TCTN3: variants seen among roughly 807,000 people sequenced by gnomAD.
TCTN3 encodes tectonic family member 3.
In TCTN3, 57 loss-of-function variants were observed where a neutral mutation model predicts 71.3. The ratio of observed to expected loss-of-function variants is 0.80; its 90% CI spans 0.65 to 1.00. The LOEUF (loss-of-function observed/expected upper bound fraction) is 1.00, where lower values mean the gene tolerates loss of function less well. TCTN3 is among the 50% of genes least tolerant of loss of function. The pLI, the probability that TCTN3 is intolerant of heterozygous loss-of-function variation, is 0.00. For missense variants in TCTN3, 696 were observed against 719.9 expected (o/e 0.97, Z 0.38); for synonymous variants, 258 against 267.8 (o/e 0.96, Z 0.36).
In TCTN3 at chr10:95,680,504, C is replaced by A; in HGVS notation, c.1558G>T (p.Val520Phe). The change falls in exon 13 of 14, where the codon GTT (valine) becomes TTT (phenylalanine). Residue 520 changes from valine (V) to phenylalanine (F), a missense_variant. Val to Phe is a conservative substitution (Grantham distance 50). Transcript: ENST00000371217. ...LSNPQAHVSGVRFLYQCQSIQ... is the reference protein window; with the variant it reads ...LSNPQAHVSGFRFLYQCQSIQ... Reference sequence around the variant, plus strand: ...GACTGGCACTGGTATAGGAATCGAACTCCTGATACATGAGCTTGCGGGTTG... The same window carrying A: ...GACTGGCACTGGTATAGGAATCGAAATCCTGATACATGAGCTTGCGGGTTG... 1.2e-6 allele frequency: 2 copies of A among 1,614,132 alleles called. No homozygotes were observed. Among genetic ancestry groups the A allele is most frequent in the Non-Finnish European group, 1.7e-6 (2 of 1,180,000 alleles).
At chr10:95,685,175 T>G (rs1000037091) in intron 8 of TCTN3, among the ~76,000 whole-genome samples, 3 of 152,210 alleles carry the variant, frequency 2.0e-5, no homozygotes, top group African/African-American at 7.2e-5. Flanking sequence ...GAGAATAAAA[T>G]GTGGTCAGTC....
At chr10:95,679,149 C>G (rs949626651) in intron 13 of TCTN3, among the ~76,000 whole-genome samples, 4 of 152,096 alleles carry the variant, frequency 2.6e-5, no homozygotes, top group Admixed American at 6.6e-5. Context: ...ACAAACTAAC[C>G]TGAAAAGCTA....
intron 13 of TCTN3, among the ~76,000 whole-genome samples, chr10:95,669,923 C>T (rs2097929222): frequency 6.6e-6 from 1 of 151,130 alleles, no homozygotes; most frequent in East Asian, 1.9e-4. Context: ...ATTAGCCGGG[C>T]GAGGTGGCGG....
At chr10:95,681,221 G>A (rs552549555) in intron 12 of TCTN3, among the ~76,000 whole-genome samples, 66 of 151,970 alleles carry the variant, frequency 4.3e-4, no homozygotes, top group Admixed American at 1.4e-3. Flanking sequence ...GATTACAGAT[G>A]CCCACCACTA....
At chr10:95,676,002 A>T (rs1467842152) in intron 13 of TCTN3, among the ~76,000 whole-genome samples, 1 of 152,258 alleles carries the variant, frequency 6.6e-6, no homozygotes, top group African/African-American at 2.4e-5. Context: ...CATAAGATTC[A>T]GAACCACTAA....
intron 13 of TCTN3, among the ~76,000 whole-genome samples, chr10:95,672,627 A>G (rs1396147887): frequency 6.7e-6 from 1 of 149,024 alleles, no homozygotes. Flanking sequence ...GATGTTGAAT[A>G]CCTTTCTATG....
chr10:95,669,115 T>A (rs535316276), intron 13 of TCTN3, among the ~76,000 whole-genome samples: 1 of 152,272 alleles, frequency 6.6e-6, no homozygotes, highest in African/African-American at 2.4e-5. Flanking sequence ...CTGATGCAAA[T>A]ACACTGGCAG....
Position 95,680,553 on chromosome 10 carries a change from C to T in TCTN3, c.1509G>A (p.Leu503=). 3 of 1,614,138 alleles carry T rather than the reference C, an allele frequency of 1.9e-6. No individual in the cohort carries two copies. Among genetic ancestry groups the T allele is most frequent in the South Asian group, 1.1e-5 (1 of 91,084 alleles). ...LIPVSLEIQV[L]WAYVGLLSNP... ...TGGACAGGAGACCTACATATGCCCA[C>T]AATACCTGGATCTCCAGGGAAACTG... Residue 503 remains leucine, a synonymous_variant, in exon 13 of 14, where the codon TTG becomes TTA. Coordinates refer to ENST00000371217, the MANE Select transcript of TCTN3 (RefSeq NM_015631.6).
intron 6 of TCTN3, 85 bp from the exon 7 acceptor site, chr10:95,686,615 C>T: frequency 7.1e-7 from 1 of 1,408,012 alleles, no homozygotes; most frequent in South Asian, 1.2e-5. Context: ...TACCAATAGG[C>T]TTTGGTTTGG....
intron 13 of TCTN3, among the ~76,000 whole-genome samples, chr10:95,670,741 C>A (rs1167599960): frequency 1.3e-5 from 2 of 152,118 alleles, no homozygotes; most frequent in Non-Finnish European, 2.9e-5. Flanking sequence ...CGGCTCACTG[C>A]ACCCTCGACC....
intron 12 of TCTN3, among the ~76,000 whole-genome samples, chr10:95,681,360 G>A (rs2097942844): frequency 6.6e-6 from 1 of 152,218 alleles, no homozygotes; most frequent in East Asian, 1.9e-4. Flanking sequence ...ACAGGTGTAA[G>A]CCATGGCACC....
intron 13 of TCTN3, among the ~76,000 whole-genome samples, chr10:95,666,565 T>G (rs1016655366): frequency 2.6e-5 from 4 of 152,230 alleles, no homozygotes; most frequent in African/African-American, 9.6e-5. Flanking sequence ...TTGGAGCAAA[T>G]CTTTATAGCT....
chr10:95,677,474 GTTTTTTTTGTT>G lies in TCTN3; in HGVS notation c.1590+2987_1590+2997del, dbSNP rs1225316693. ...ATACAAGAAGATAGTGAAGTCTACAGTTTTTTTTGTTTTTTTTTTTTTTTTTTGCTGTATTT... is the reference window on the plus strand; with the variant it reads ...ATACAAGAAGATAGTGAAGTCTACAGTTTTTTTTTTTTTTTTGCTGTATTT... On this transcript the variant is annotated intron_variant, in intron 13 of 13. Coordinates refer to ENST00000371217, the MANE Select transcript of TCTN3 (RefSeq NM_015631.6). 2.1e-4 allele frequency among the ~76,000 whole-genome samples: 17 copies of G among 80,738 alleles called. 2 individuals carry two copies. Among genetic ancestry groups the G allele is most frequent in the Admixed American group, 1.4e-3 (9 of 6,590 alleles). 53.0% of individuals were successfully genotyped at this position (80,738 alleles called of 152,430 possible).
chr10:95,669,553 G>C (rs185834886), intron 13 of TCTN3, among the ~76,000 whole-genome samples: 78 of 152,230 alleles, frequency 5.1e-4, no homozygotes, highest in African/African-American at 1.8e-3. Flanking sequence ...ACACAGATTA[G>C]AACTGTTCAC....
At chr10:95,680,223 A>C (rs2097941516) in intron 13 of TCTN3, among the ~76,000 whole-genome samples, 1 of 152,202 alleles carries the variant, frequency 6.6e-6, no homozygotes, top group Non-Finnish European at 1.5e-5. Flanking sequence ...AAAGAAATTA[A>C]CCTGTACTAT....
intron 13 of TCTN3, among the ~76,000 whole-genome samples, chr10:95,664,692 T>G (rs2097924282): frequency 6.6e-6 from 1 of 152,150 alleles, no homozygotes; most frequent in Non-Finnish European, 1.5e-5. Flanking sequence ...TTCTATTCCT[T>G]CTCCAATGGC....
At chr10:95,691,944 T>C (rs565459240) in intron 3 of TCTN3, among the ~76,000 whole-genome samples, 1 of 152,232 alleles carries the variant, frequency 6.6e-6, no homozygotes, top group Non-Finnish European at 1.5e-5. Flanking sequence ...ATGGCAGGAC[T>C]GAGATCCTAA....
At chr10:95,690,781 A>T (rs1391272983) in intron 3 of TCTN3, among the ~76,000 whole-genome samples, 2 of 152,230 alleles carry the variant, frequency 1.3e-5, no homozygotes, top group African/African-American at 2.4e-5. Context: ...AATGTTATGG[A>T]AAGATTTATC....
chr10:95,680,523 C>T lies in TCTN3; in HGVS notation c.1539G>A (p.Pro513=), dbSNP rs1026823695. Residue 513 remains proline, a synonymous_variant, in exon 13 of 14, where the codon CCG becomes CCA. Coordinates refer to ENST00000371217, the MANE Select transcript of TCTN3 (RefSeq NM_015631.6). ...ATCGAACTCCTGATACATGAGCTTGCGGGTTGGACAGGAGACCTACATATG... is the reference window on the plus strand; with the variant it reads ...ATCGAACTCCTGATACATGAGCTTGTGGGTTGGACAGGAGACCTACATATG... ...LWAYVGLLSN[P]QAHVSGVRFL... 1.1e-5 allele frequency: 17 copies of T among 1,613,916 alleles called. No homozygotes were observed. The highest frequency in any genetic ancestry group is 4.5e-5 in the East Asian group (2 of 44,872).
Sources: gnomAD v4.1 joint callset for allele counts (sites outside exome capture counted in the v4.1 genomes callset) on GRCh38, gnomAD v4.1.1 for gene constraint, MANE v1.5 for transcripts, NCBI Gene and HGNC (gene_info 2026-07-23, HGNC 2026-07-21) for gene names.